The following GAK variants were observed in gnomAD, a reference collection of about 807,000 sequenced individuals.
The protein encoded by GAK is cyclin G associated kinase.
Under a neutral mutation model 143.9 loss-of-function variants are expected in GAK, and 79 were observed. That is an observed-to-expected ratio of 0.55 (90% CI 0.46 to 0.66). The LOEUF is 0.66. Ranked by LOEUF, GAK falls within the 30% of genes least tolerant of loss-of-function variation. GAK has a pLI of 0.00. For missense variants in GAK, 1,693 were observed against 1,779.7 expected, an observed-to-expected ratio of 0.95 and a Z score of 0.88; for synonymous variants, 881 against 765.5, an observed-to-expected ratio of 1.15 and a Z score of -2.49.
chr4:919,112 T>C (rs2152958992), intron 1 of GAK, among the ~76,000 whole-genome samples: 1 of 150,172 alleles, frequency 6.7e-6, no homozygotes, highest in African/African-American at 2.5e-5. Context: ...CAGCGCCCCA[T>C]GACCTTAGCA....
intron 24 of GAK, among the ~76,000 whole-genome samples, chr4:856,972 T>C (rs559643232): frequency 6.6e-6 from 1 of 152,310 alleles, no homozygotes; most frequent in South Asian, 2.1e-4. Context: ...CTTTCTGAAT[T>C]TTGTTAAATG....
chr4:850,954 C>T lies in GAK; in HGVS notation c.3639G>A (p.Thr1213=), dbSNP rs753290164. ...EMRKQDLAKD[T]DPLKLKLLDW... is the part of the protein sequence containing the mutation. ...CACCCACCTTCAGCTTGAGTGGGTC[C>T]GTGTCTTTAGCCAGGTCCTGCTTCC... Residue 1213 remains threonine (T), a synonymous_variant, in exon 26 of 28, where the codon ACG becomes ACA. Coordinates refer to ENST00000314167, the MANE Select transcript of GAK (RefSeq NM_005255.4). The T allele has an allele frequency of 2.1e-5, 34 of 1,613,422 alleles. No homozygotes were observed. The Admixed American group carries it at 2.3e-4, about 11-fold the overall frequency.
intron 1 of GAK, among the ~76,000 whole-genome samples, chr4:917,255 C>T (rs1049015856): frequency 7.9e-5 from 11 of 138,968 alleles, no homozygotes; most frequent in East Asian, 2.2e-4. Flanking sequence ...AGAGTACATA[C>T]ACACACATAC....
At chr4:861,303 G>A (rs866651954) in intron 23 of GAK, among the ~76,000 whole-genome samples, 15 of 152,328 alleles carry the variant, frequency 9.8e-5, no homozygotes, top group African/African-American at 3.4e-4. Flanking sequence ...GTCAAAAGCA[G>A]AGGAAGGCCG....
rs140463747 is a variant in GAK at position 929,409 on chromosome 4, C to A, written c.145+2634G>T. 8.7e-3 allele frequency among the ~76,000 whole-genome samples: 1,321 copies of A among 152,310 alleles called. 23 individuals carry two copies. The highest frequency in any genetic ancestry group is 0.03 in the African/African-American group (1,243 of 41,554). The stretch of plus-strand genomic sequence containing the variant: ...AGTAACCCCGAGTTCAAGTCAGCCA[C>A]ACAGGGAAGGTGGATTTCCCTGCAG... On this transcript the variant is annotated intron_variant, in intron 1 of 27. Coordinates refer to ENST00000314167, the MANE Select transcript of GAK (RefSeq NM_005255.4).
intron 27 of GAK, 56 bp from the exon 28 acceptor site, chr4:849,830 C>CCGGTGGGGGG: frequency 8.5e-7 from 1 of 1,172,352 alleles, no homozygotes; most frequent in Non-Finnish European, 1.2e-6. Context: ...GCGGGCGGGG[C>CCGGTGGGGGG]AGGACCCCCC....
At chr4:922,986 CAATTACCTGAAG>C in intron 1 of GAK, among the ~76,000 whole-genome samples, 1 of 152,300 alleles carries the variant, frequency 6.6e-6, no homozygotes, top group Admixed American at 6.5e-5. Flanking sequence ...TACTGACACA[CAATTACCTGAAG>C]AATTCTGCAC....
intron 26 of GAK, 152 bp downstream of exon 26, chr4:850,784 G>A (rs1449920989): frequency 9.8e-6 from 8 of 815,192 alleles, no homozygotes; most frequent in East Asian, 8.7e-5. Context: ...ACAGGTCCCT[G>A]TCTGGAGACG....
chr4:851,694 A>C, intron 25 of GAK, 56 bp downstream of exon 25: 6 of 1,538,492 alleles, frequency 3.9e-6, no homozygotes, highest in Non-Finnish European at 5.4e-6. Flanking sequence ...TTCTACCTTT[A>C]GCCAATTCAG....
intron 18 of GAK, 67 bp from the exon 19 acceptor site, chr4:870,971 C>A (rs1442144775): frequency 3.6e-6 from 5 of 1,389,054 alleles, no homozygotes; most frequent in Non-Finnish European, 3.9e-6. Context: ...TGGACATTCA[C>A]TAAAGAAACG....
chr4:866,937 T>C lies in GAK; in HGVS notation c.2872+19A>G. 1.4e-6 allele frequency: 2 copies of C among 1,462,012 alleles called. No homozygotes were observed. Among genetic ancestry groups the C allele is most frequent in the Non-Finnish European group, 1.8e-6 (2 of 1,095,278 alleles). The allele number at this position is 1,462,012 out of a possible 1,614,324, so 90.6% of individuals were successfully genotyped here. A position where few individuals can be genotyped will look rare whatever the true frequency, so the allele number is the denominator to read the frequency against. ...TCATCTACTGTGAAGCCACTCGCCT[T>C]CAGAACAGAAACACGTACCAGCGGC... On this transcript the variant is annotated intron_variant, in intron 21 of 27. Coordinates refer to ENST00000314167, the MANE Select transcript of GAK (RefSeq NM_005255.4).
At chr4:901,920 C>T (rs535215080) in intron 5 of GAK, among the ~76,000 whole-genome samples, 9 of 152,222 alleles carry the variant, frequency 5.9e-5, no homozygotes, top group Non-Finnish European at 7.3e-5. Flanking sequence ...CACCTCACTG[C>T]GGATAATGGT....
Position 849,575 on chromosome 4 carries a change from C to T in GAK, c.*98G>A. ...GGGGCTCGGAGCCCCACCCTGGCCA[C>T]ACCTGCTGTCGCCCACGGGGTCCTC... On this transcript the variant is annotated 3_prime_UTR_variant, in exon 28 of 28. Coordinates refer to ENST00000314167, the MANE Select transcript of GAK (RefSeq NM_005255.4). 1 of 921,360 alleles carries T rather than the reference C, an allele frequency of 1.1e-6. No individual in the cohort carries two copies. The highest frequency in any genetic ancestry group is 1.7e-6 in the Non-Finnish European group (1 of 579,928). 57.1% of individuals were successfully genotyped at this position (921,360 alleles called of 1,614,324 possible). A position where few individuals can be genotyped will look rare whatever the true frequency, so the allele number is the denominator to read the frequency against.
At chr4:861,044 G>A (rs1324609126) in intron 23 of GAK, among the ~76,000 whole-genome samples, 1 of 152,132 alleles carries the variant, frequency 6.6e-6, no homozygotes, top group Non-Finnish European at 1.5e-5. Flanking sequence ...TAATTGTTTT[G>A]GGGTGCCATG....
chr4:897,780 C>G (rs1233629161), intron 6 of GAK, among the ~76,000 whole-genome samples: 1 of 152,250 alleles, frequency 6.6e-6, no homozygotes, highest in Non-Finnish European at 1.5e-5. Flanking sequence ...GAAACCCCGT[C>G]CCTACCAAAA....
chr4:930,035 C>T (rs771111184), intron 1 of GAK, among the ~76,000 whole-genome samples: 2 of 152,176 alleles, frequency 1.3e-5, no homozygotes, highest in Admixed American at 1.3e-4. Context: ...CTGCAATGAC[C>T]ATTCTGAAAC....
intron 1 of GAK, among the ~76,000 whole-genome samples, chr4:919,166 G>A (rs1394810366): frequency 5.0e-5 from 6 of 120,996 alleles, no homozygotes; most frequent in African/African-American, 1.6e-4. Context: ...GACCTTAGCA[G>A]GACAGAAGGC....
chr4:896,405 G>A (rs1718781055), intron 7 of GAK, 55 bp downstream of exon 7: 1 of 1,471,740 alleles, frequency 6.8e-7, no homozygotes, highest in Admixed American at 1.7e-5. Context: ...CGCCGCCTCA[G>A]GTTAAGTAGG....
chr4:883,222 G>T, intron 13 of GAK, 93 bp downstream of exon 13: 1 of 1,477,462 alleles, frequency 6.8e-7, no homozygotes, highest in Non-Finnish European at 9.2e-7. Context: ...CCCCATCACA[G>T]CCCCACCCTG....
Sources: allele counts gnomAD v4.1 joint callset (sites outside exome capture counted in the v4.1 genomes callset), GRCh38; gene constraint gnomAD v4.1.1; transcripts MANE v1.5; gene names NCBI Gene and HGNC (gene_info 2026-07-23, HGNC 2026-07-21).